The following R3HDM2 variants were observed in gnomAD, a reference collection of about 807,000 sequenced individuals.
The protein encoded by R3HDM2 is R3H domain-containing protein 2.
R3HDM2 carries 38 observed loss-of-function variants against 124.5 expected under a neutral mutation model. The ratio of observed to expected loss-of-function variants is 0.31; its 90% CI spans 0.24 to 0.40. The LOEUF (loss-of-function observed/expected upper bound fraction) is 0.40. R3HDM2 is among the 10% of genes least tolerant of loss of function. The pLI is 1.00. For synonymous variants in R3HDM2, 391 were observed against 448.0 expected (o/e 0.87, Z 1.61); for missense variants, 869 against 1,236.9 (o/e 0.70, Z 4.46).
intron 3 of R3HDM2, among the ~76,000 whole-genome samples, chr12:57,308,270 G>A (rs567231412): frequency 9.2e-5 from 14 of 151,442 alleles, no homozygotes; most frequent in African/African-American, 2.9e-4. Context: ...TGGCCAGGCC[G>A]ATCTTGAACT....
intron 1 of R3HDM2, among the ~76,000 whole-genome samples, chr12:57,422,075 G>A (rs1023822831): frequency 6.4e-5 from 9 of 139,588 alleles, no homozygotes; most frequent in African/African-American, 2.4e-4. Flanking sequence ...CTGGGAGACA[G>A]AGGGAGACTC....
chr12:57,424,655 C>CA (rs1338924274), intron 1 of R3HDM2, among the ~76,000 whole-genome samples: 4 of 152,134 alleles, frequency 2.6e-5, no homozygotes, highest in Non-Finnish European at 5.9e-5. Flanking sequence ...TCATACGCAA[C>CA]AAAGACACAG....
At chr12:57,304,540 G>C in intron 3 of R3HDM2, 1 of 981,230 alleles carries the variant, frequency 1.0e-6, no homozygotes, top group Non-Finnish European at 1.2e-6. Flanking sequence ...CAAATAACAC[G>C]GCCACAATGC....
intron 1 of R3HDM2, among the ~76,000 whole-genome samples, chr12:57,402,484 G>A (rs113458031): frequency 0.024 from 3,653 of 152,132 alleles, 63 homozygotes; most frequent in Non-Finnish European, 0.036. Context: ...AAATAGCCAT[G>A]CACCACCATG....
chr12:57,297,589 T>C (rs2050163293), intron 7 of R3HDM2, among the ~76,000 whole-genome samples: 3 of 152,196 alleles, frequency 2.0e-5, no homozygotes, highest in Admixed American at 6.5e-5. Context: ...AACCCGAGTA[T>C]ACATTTTGCA....
chr12:57,258,742 A>G (rs1449294410), intron 20 of R3HDM2, 148 bp downstream of exon 20: 1 of 695,372 alleles, frequency 1.4e-6, no homozygotes, highest in Non-Finnish European at 2.2e-6. Flanking sequence ...GTTCCTTAAA[A>G]GAGGATGCTG....
At chr12:57,278,945 G>A (rs2045491693) in intron 14 of R3HDM2, among the ~76,000 whole-genome samples, 1 of 152,078 alleles carries the variant, frequency 6.6e-6, no homozygotes, top group Non-Finnish European at 1.5e-5. Flanking sequence ...CTTACACCTA[G>A]GGAAGAAATA....
rs762671327 is a variant in R3HDM2, at chr12:57,280,467, A to T, written c.1235T>A (p.Leu412His). 6.2e-7 allele frequency: 1 copy of T among 1,614,066 alleles called. No homozygotes were observed. The highest frequency in any genetic ancestry group is 1.1e-5 in the South Asian group (1 of 91,080). ...TTGCTGCTGGGCAGTACAAGGGAGA[A>T]GCCCCCGGACAGACTGGGATGAGGT... ...QVTSSQSVRG[L>H]LPCTAQQQQQ... The change falls in exon 14 of 24, where the codon CTT (leucine) becomes CAT (histidine). Residue 412 changes from leucine to histidine, a missense_variant. Around this residue, in one of 2 missense-constraint regions of R3HDM2, gnomAD observed 602 missense variants for 789.2 expected, o/e 0.76. Transcript: ENST00000402412.
intron 19 of R3HDM2, among the ~76,000 whole-genome samples, chr12:57,261,619 A>C (rs922094401): frequency 6.6e-6 from 1 of 152,128 alleles, no homozygotes; most frequent in African/African-American, 2.4e-5. Flanking sequence ...TGCTGGCCTG[A>C]AGCATTGTTC....
intron 2 of R3HDM2, among the ~76,000 whole-genome samples, chr12:57,322,004 C>T (rs141299103): frequency 0.013 from 1,995 of 152,182 alleles, 17 homozygotes; most frequent in Non-Finnish European, 0.019. Flanking sequence ...CCAAGGTGGG[C>T]GGATCACGAG....
In R3HDM2 at chr12:57,256,021, A is replaced by G. The variant is rs1404048675; in HGVS notation, c.2601T>C (p.Ser867=). The change falls in exon 23 of 24, where the codon TCT becomes TCC. Residue 867 remains serine (S), a synonymous_variant. Coordinates refer to ENST00000402412, the MANE Select transcript of R3HDM2 (RefSeq NM_001394031.1). ...CTGCTGTCCCCAGGTCAGTGGAGGCAGATTTGAGTGCTTGTCTCTTGCCCC... is the reference window on the plus strand; with the variant it reads ...CTGCTGTCCCCAGGTCAGTGGAGGCGGATTTGAGTGCTTGTCTCTTGCCCC... ...GNRGKRQALK[S]ASTDLGTADV... is the part of the protein sequence containing the mutation. The G allele has an allele frequency of 1.2e-6, 2 of 1,614,022 alleles. No individual in the cohort carries two copies. The highest frequency in any genetic ancestry group is 1.7e-6 in the Non-Finnish European group (2 of 1,179,934).
At chr12:57,354,427 GA>G (rs1173530960) in intron 2 of R3HDM2, among the ~76,000 whole-genome samples, 1 of 151,698 alleles carries the variant, frequency 6.6e-6, no homozygotes, top group Non-Finnish European at 1.5e-5. Flanking sequence ...AGAGTAGCTG[GA>G]ACCACAGATG....
intron 3 of R3HDM2, chr12:57,304,531 A>C (rs2052116412): frequency 1.0e-6 from 1 of 983,064 alleles, no homozygotes; most frequent in Non-Finnish European, 1.2e-6. Context: ...ACTAGTTAGC[A>C]AATAACACGG....
In R3HDM2 at chr12:57,283,866, C is replaced by T. The variant is rs145133962; in HGVS notation, c.1129G>A (p.Gly377Ser). The change falls in exon 13 of 24, where the codon GGC becomes AGC. Residue 377 changes from glycine to serine, a missense_variant. By Grantham distance (56) the Gly-to-Ser change is moderately conservative (BLOSUM62 0). Around this residue, in one of 2 missense-constraint regions of R3HDM2, gnomAD observed 602 missense variants for 789.2 expected, o/e 0.76. Transcript: ENST00000402412. ...ISILTRGDSIGSSKGGSAGRI... is the reference protein window; with the variant it reads ...ISILTRGDSISSSKGGSAGRI... ...CCCGCACTGCCGCCTTTACTGCTGC[C>T]GATGCTGTCACCTCGGGTAAGGATA... is the stretch of plus-strand genomic sequence containing the variant. The T allele has an allele frequency of 3.2e-5, 51 of 1,614,090 alleles. No homozygotes were observed. Among genetic ancestry groups the T allele is most frequent in the East Asian group, 2.5e-4 (11 of 44,894 alleles).
chr12:57,281,854 A>G (rs2046221756), intron 13 of R3HDM2, among the ~76,000 whole-genome samples: 1 of 152,222 alleles, frequency 6.6e-6, no homozygotes. Flanking sequence ...AGGATAAGGA[A>G]TACATCAGTG....
At position 57,407,036 on chromosome 12, in the gene R3HDM2, G is replaced by C. The variant is rs914669202; in HGVS notation, c.-105-11218C>G. ...GGCCAAGGCGGGCGGATTGCTTGCG[G>C]TCAGAATTTCGAGACCAGCCTGGCC... On this transcript the variant is annotated intron_variant, in intron 1 of 23. Coordinates refer to ENST00000402412, the MANE Select transcript of R3HDM2 (RefSeq NM_001394031.1). Among the ~76,000 whole-genome samples the C allele has an allele frequency of 5.9e-5, 9 of 152,140 alleles. No homozygotes were observed. In the East Asian group the frequency reaches 1.7e-3, roughly 29 times the overall value.
chr12:57,349,271 T>G (rs1442308661), intron 2 of R3HDM2, among the ~76,000 whole-genome samples: 3 of 148,370 alleles, frequency 2.0e-5, no homozygotes, highest in Admixed American at 1.4e-4. Context: ...TCCCAGCTAC[T>G]CGGGAGGCTG....
At chr12:57,328,863 T>C (rs939239992) in intron 2 of R3HDM2, among the ~76,000 whole-genome samples, 18 of 152,178 alleles carry the variant, frequency 1.2e-4, no homozygotes, top group African/African-American at 4.3e-4. Flanking sequence ...AGTGTAAACA[T>C]AACTTTTATA....
At chr12:57,271,559 T>G (rs2137497474) in intron 14 of R3HDM2, among the ~76,000 whole-genome samples, 1 of 152,332 alleles carries the variant, frequency 6.6e-6, no homozygotes, top group Non-Finnish European at 1.5e-5. Flanking sequence ...TGCTACTTAT[T>G]GGGCAGGAAT....
Sources: gnomAD v4.1 joint callset for allele counts (sites outside exome capture counted in the v4.1 genomes callset) on GRCh38, gnomAD v4.1.1 for gene constraint, gnomAD v4.1.1 regional missense constraint, MANE v1.5 for transcripts, NCBI Gene and HGNC (gene_info 2026-07-23, HGNC 2026-07-21) for gene names.